The following TTC6 variants were observed in gnomAD, a reference collection of about 807,000 sequenced individuals.
TTC6 encodes tetratricopeptide repeat domain 6.
A neutral mutation model predicts 210.4 loss-of-function variants in TTC6; 172 were observed. The observed-to-expected ratio is 0.82, with a 90% CI of 0.72 to 0.93. The LOEUF is 0.93. Among genes scored for constraint, TTC6 ranks in the 40% least tolerant of loss-of-function variants. TTC6 has a pLI of 0.00. For synonymous variants in TTC6, 804 were observed against 819.6 expected, an observed-to-expected ratio of 0.98 and a Z score of 0.32; for missense variants, 2,414 against 2,318.1, an observed-to-expected ratio of 1.04 and a Z score of -0.85.
At chr14:37,773,318 A>G (rs2096026400) in intron 14 of TTC6, among the ~76,000 whole-genome samples, 1 of 152,146 alleles carries the variant, frequency 6.6e-6, no homozygotes, top group South Asian at 2.1e-4. Flanking sequence ...TGCTTCTGGC[A>G]TTTTCATCAT....
chr14:37,622,384 C>A (rs1313518594), exon 1 of TTC6: 1 of 1,531,076 alleles, frequency 6.5e-7, no homozygotes, highest in Non-Finnish European at 8.7e-7. Flanking sequence ...GGTGAGGCGG[C>A]GGCTCCAGGC....
chr14:37,725,278 T>A (rs2138834087), intron 7 of TTC6, among the ~76,000 whole-genome samples: 1 of 137,022 alleles, frequency 7.3e-6, no homozygotes, highest in East Asian at 2.1e-4. Flanking sequence ...TGTATATATA[T>A]AAAATTTATA....
intron 24 of TTC6, among the ~76,000 whole-genome samples, chr14:37,809,788 C>T (rs1048167848): frequency 6.6e-6 from 1 of 152,056 alleles, no homozygotes; most frequent in Non-Finnish European, 1.5e-5. Flanking sequence ...GTAATCTTAC[C>T]TACTCTCTTC....
intron 1 of TTC6, among the ~76,000 whole-genome samples, chr14:37,637,628 G>A (rs547156491): frequency 2.0e-5 from 3 of 152,072 alleles, no homozygotes; most frequent in East Asian, 1.9e-4. Flanking sequence ...GAGTGAGACC[G>A]GGTCCTGAGG....
chr14:37,635,076 CCTCTT>C (rs2139359099), intron 1 of TTC6, among the ~76,000 whole-genome samples: 1 of 152,264 alleles, frequency 6.6e-6, no homozygotes, highest in South Asian at 2.1e-4. Flanking sequence ...TTTTCCTTCT[CCTCTT>C]GCGTTTTCTA....
At chr14:37,708,050 CT>C (rs2095838668) in intron 5 of TTC6, among the ~76,000 whole-genome samples, 1 of 151,892 alleles carries the variant, frequency 6.6e-6, no homozygotes, top group Admixed American at 6.6e-5. Context: ...ATCGGGTTTT[CT>C]ATATGGTAGA....
chr14:37,813,530 T>C (rs2096134517), intron 25 of TTC6, among the ~76,000 whole-genome samples: 1 of 152,146 alleles, frequency 6.6e-6, no homozygotes, highest in African/African-American at 2.4e-5. Context: ...ACTAAACAAC[T>C]ATTGCACAGT....
Position 37,792,713 on chromosome 14 carries a change from A to G in TTC6, c.3708+299A>G, listed in dbSNP as rs528533088. 6.6e-5 allele frequency among the ~76,000 whole-genome samples: 10 copies of G among 151,556 alleles called. No homozygotes were observed. In the South Asian group the frequency reaches 2.1e-3, roughly 32 times the overall value. On this transcript the variant is annotated intron_variant, in intron 17 of 30. Transcript: ENST00000553443. ...ATGCGATAGGAATAAACTAAAAACT[A>G]TTATCTATAATTTTATTCTCTAGGG...
exon 1 of TTC6, chr14:37,622,112 G>A: frequency 6.5e-7 from 1 of 1,535,264 alleles, no homozygotes; most frequent in Non-Finnish European, 8.7e-7. Flanking sequence ...AAGAGGAATC[G>A]TATATGTTTA....
intron 4 of TTC6, among the ~76,000 whole-genome samples, chr14:37,700,058 C>T (rs927225856): frequency 2.6e-5 from 4 of 152,058 alleles, no homozygotes; most frequent in African/African-American, 9.7e-5. Context: ...TATTCATATT[C>T]TCAGCTGTGT....
chr14:37,809,876 G>A (rs551945818), intron 24 of TTC6, among the ~76,000 whole-genome samples: 4 of 152,088 alleles, frequency 2.6e-5, no homozygotes, highest in Non-Finnish European at 5.9e-5. Flanking sequence ...TCAGTGTAGT[G>A]TCCCATCCTC....
At chr14:37,782,952 T>A (rs896742832) in intron 14 of TTC6, among the ~76,000 whole-genome samples, 1 of 152,172 alleles carries the variant, frequency 6.6e-6, no homozygotes, top group Non-Finnish European at 1.5e-5. Flanking sequence ...GTATGTTGAA[T>A]CAGCCTTGCA....
chr14:37,810,020 GA>G (rs2096126592), intron 24 of TTC6, among the ~76,000 whole-genome samples: 1 of 152,212 alleles, frequency 6.6e-6, no homozygotes, highest in African/African-American at 2.4e-5. Flanking sequence ...CGTGGACAGT[GA>G]AATCTGTTTA....
chr14:37,722,318 C>T (rs1440521867), intron 6 of TTC6, among the ~76,000 whole-genome samples: 2 of 152,134 alleles, frequency 1.3e-5, no homozygotes, highest in Non-Finnish European at 2.9e-5. Flanking sequence ...TAGGACTCTT[C>T]TCAGAAAGTT....
At chr14:37,641,283 G>A (rs1033624093) in intron 1 of TTC6, among the ~76,000 whole-genome samples, 3 of 152,214 alleles carry the variant, frequency 2.0e-5, no homozygotes, top group Non-Finnish European at 4.4e-5. Flanking sequence ...ACAGCCTGAA[G>A]CTAGGCAGCT....
chr14:37,796,304 C>A, exon 19 of TTC6: 1 of 1,280,794 alleles, frequency 7.8e-7, no homozygotes, highest in Non-Finnish European at 1.1e-6. Context: ...AGGACAATAT[C>A]TTCTTATGAT....
chr14:37,689,844 A>G (rs1436925196), intron 3 of TTC6, among the ~76,000 whole-genome samples: 2 of 152,092 alleles, frequency 1.3e-5, no homozygotes, highest in South Asian at 2.1e-4. Context: ...CAGAGAGAAA[A>G]GCATGATAAT....
intron 1 of TTC6, among the ~76,000 whole-genome samples, chr14:37,676,408 A>AT (rs1325326674): frequency 2.6e-5 from 4 of 151,852 alleles, no homozygotes; most frequent in African/African-American, 4.8e-5. Context: ...CCCATTTTTA[A>AT]TTTTTTTTGG....
chr14:37,776,983 T>A (rs2096039757), intron 14 of TTC6, among the ~76,000 whole-genome samples: 2 of 152,220 alleles, frequency 1.3e-5, no homozygotes, highest in Non-Finnish European at 2.9e-5. Flanking sequence ...CTAATGAGGT[T>A]CCCTTTGTAG....
Sources: allele counts gnomAD v4.1 joint callset (sites outside exome capture counted in the v4.1 genomes callset), GRCh38; gene constraint gnomAD v4.1.1; transcripts MANE v1.5; gene names NCBI Gene and HGNC (gene_info 2026-07-23, HGNC 2026-07-21).